Variants in TEKT3 observed in about 807,000 individuals in gnomAD.
The protein encoded by TEKT3 is tektin-3.
In TEKT3, 49 loss-of-function variants were observed where a neutral mutation model predicts 49.8. The observed-to-expected ratio is 0.98, with a 90% CI of 0.78 to 1.25. The LOEUF is 1.25. Ranked by LOEUF, TEKT3 falls within the 50% of genes most tolerant of loss-of-function variation. TEKT3 has a pLI of 0.00. For synonymous variants in TEKT3, 225 were observed against 237.2 expected (o/e 0.95, Z 0.47); for missense variants, 595 against 629.5 (o/e 0.95, Z 0.59).
In TEKT3 at chr17:15,312,386, A is replaced by G. The variant is rs1416634331; in HGVS notation, c.974T>C (p.Ile325Thr). Residue 325 changes from isoleucine (I) to threonine (T), a missense_variant, in exon 7 of 9, where the codon ATT becomes ACT. Physicochemically the swap from Ile to Thr is moderately conservative, Grantham distance 89. Coordinates refer to ENST00000395930, the MANE Select transcript of TEKT3 (RefSeq NM_031898.3). ...GGCAGTCACAACCAAGAGGTTTTCAATGTCGTCTCTTAGCTTAGCGGAAGC... is the reference window on the plus strand; with the variant it reads ...GGCAGTCACAACCAAGAGGTTTTCAGTGTCGTCTCTTAGCTTAGCGGAAGC... Reference protein sequence around the residue: ...RAASAKLRDDIENLLVVTANE... With the variant: ...RAASAKLRDDTENLLVVTANE... The G allele has an allele frequency of 3.1e-6, 5 of 1,614,212 alleles. No homozygotes were observed. In the East Asian group the frequency reaches 6.7e-5, roughly 22 times the overall value.
chr17:15,324,285 T>C (rs1258135645), intron 4 of TEKT3, among the ~76,000 whole-genome samples: 1 of 152,246 alleles, frequency 6.6e-6, no homozygotes, highest in Non-Finnish European at 1.5e-5. Flanking sequence ...TCATTCCTTT[T>C]TTTTGGCAGA....
chr17:15,314,969 A>C (rs1910938246), intron 5 of TEKT3, among the ~76,000 whole-genome samples: 1 of 152,144 alleles, frequency 6.6e-6, no homozygotes, highest in African/African-American at 2.4e-5. Context: ...TTATTACCAA[A>C]GACAGACCCT....
At position 15,304,012 on chromosome 17, in the gene TEKT3, A is replaced by AGGGAATTG. The variant is rs1370520170; in HGVS notation, c.1389_1396dup (p.Leu466ProfsTer12). ...CATGCATTTTTCCTGGTCGATGTAC[A>AGGGAATTG]GGGAATTGGCTTTGACAGCCAGGTC... On this transcript the variant is annotated frameshift_variant, in exon 9 of 9. Transcript: ENST00000395930. LOFTEE classifies it high-confidence loss of function. The surrounding 1 kb of genome is among the most constrained non-coding windows in gnomAD (Gnocchi z 4.7). The AGGGAATTG allele has an allele frequency of 6.2e-7, 1 of 1,614,154 alleles. No individual in the cohort carries two copies. The highest frequency in any genetic ancestry group is 1.7e-5 in the Admixed American group (1 of 60,022).
At chr17:15,313,494 C>T (rs1329176966) in intron 6 of TEKT3, among the ~76,000 whole-genome samples, 10 of 151,938 alleles carry the variant, frequency 6.6e-5, no homozygotes, top group African/African-American at 2.4e-4. Context: ...CAACTTGTGG[C>T]TTGTCTGTGT....
chr17:15,304,869 A>C lies in TEKT3; in HGVS notation c.1257-717T>G, dbSNP rs1421226716. 6.6e-6 allele frequency among the ~76,000 whole-genome samples: 1 copy of C among 152,186 alleles called. No individual in the cohort carries two copies. Among genetic ancestry groups the C allele is most frequent in the East Asian group, 1.9e-4 (1 of 5,194 alleles). On this transcript the variant is annotated intron_variant, in intron 8 of 8. Transcript: ENST00000395930. The surrounding 1 kb of genome is among the most constrained non-coding windows in gnomAD (Gnocchi z 4.7). ...ATCCTCAAATCCTAGGTGAATTAACACTTCTTCCGGAAGTCCCTCCCTTAA... is the reference window on the plus strand; with the variant it reads ...ATCCTCAAATCCTAGGTGAATTAACCCTTCTTCCGGAAGTCCCTCCCTTAA...
At chr17:15,312,668 A>C (rs1910822912) in intron 6 of TEKT3, among the ~76,000 whole-genome samples, 187 bp from the exon 7 acceptor site, 1 of 152,220 alleles carries the variant, frequency 6.6e-6, no homozygotes, top group Admixed American at 6.5e-5. Flanking sequence ...TTTACTGCTA[A>C]TCAGTTTTCT....
intron 2 of TEKT3, among the ~76,000 whole-genome samples, chr17:15,334,722 T>A (rs1024639216): frequency 6.6e-6 from 1 of 152,196 alleles, no homozygotes; most frequent in Non-Finnish European, 1.5e-5. Flanking sequence ...CAGTTTCATA[T>A]GGAGAGAATA....
chr17:15,335,916 A>G (rs528257139), intron 2 of TEKT3, among the ~76,000 whole-genome samples: 1 of 152,274 alleles, frequency 6.6e-6, no homozygotes, highest in East Asian at 1.9e-4. Context: ...TTTTTTAACT[A>G]AAAAAGAAAA....
chr17:15,343,411 A>G (rs1386478665), upstream of TEKT3, among the ~76,000 whole-genome samples: 1 of 152,240 alleles, frequency 6.6e-6, no homozygotes. Flanking sequence ...GCCAGAATTG[A>G]GGTTAATGCT....
intron 3 of TEKT3, among the ~76,000 whole-genome samples, chr17:15,329,202 T>G (rs1413422130): frequency 6.6e-6 from 1 of 152,252 alleles, no homozygotes; most frequent in African/African-American, 2.4e-5. Context: ...ATTTAATTTG[T>G]ATTTTATCAT....
Position 15,308,748 on chromosome 17 carries a change from G to T in TEKT3, c.1172C>A (p.Ala391Asp), listed in dbSNP as rs771121953. 4 of 1,613,888 alleles carry T rather than the reference G, an allele frequency of 2.5e-6. No individual in the cohort carries two copies. The African/African-American group carries it at 5.3e-5, about 22-fold the overall frequency. Residue 391 changes from alanine to aspartate, a missense_variant, in exon 8 of 9, where the codon GCC (alanine) becomes GAC (aspartate). Physicochemically the swap from Ala to Asp is moderately radical, Grantham distance 126 (BLOSUM62 -2). Coordinates refer to ENST00000395930, the MANE Select transcript of TEKT3 (RefSeq NM_031898.3). ...SIKKAIKDKT[A>D]FLKVAQTRLD... ...TCTGGTCTGAGCCACCTTCAGGAAG[G>T]CAGTCTTGTCCTTGATGGCCTTCTT...
chr17:15,307,593 C>T (rs772422145), intron 8 of TEKT3, among the ~76,000 whole-genome samples: 1 of 152,198 alleles, frequency 6.6e-6, no homozygotes, highest in Non-Finnish European at 1.5e-5. Context: ...CTCACAAGAT[C>T]CCCCTTCCTT....
chr17:15,331,725 C>T, intron 2 of TEKT3, 111 bp from the exon 3 acceptor site: 2 of 743,910 alleles, frequency 2.7e-6, no homozygotes, highest in Non-Finnish European at 2.1e-6. Flanking sequence ...GCCCCGAACA[C>T]ATTAGATGCT....
Position 15,304,225 on chromosome 17 carries a change from C to A in TEKT3, c.1257-73G>T. ...CAACTCCAAGTACATCACATTGTAA[C>A]CAGCGATGCAAAGCTCACATTTTCT... On this transcript the variant is annotated intron_variant, in intron 8 of 8. Transcript: ENST00000395930. This position sits in a 1 kb window ranked among gnomAD's most constrained non-coding sequence, Gnocchi z 4.7. 6.8e-7 allele frequency: 1 copy of A among 1,469,374 alleles called. No individual in the cohort carries two copies. The highest frequency in any genetic ancestry group is 9.5e-7 in the Non-Finnish European group (1 of 1,056,116). The allele number at this position is 1,469,374 out of a possible 1,614,324, so 91.0% of individuals were successfully genotyped here.
chr17:15,339,044 T>A (rs547737191), intron 2 of TEKT3, among the ~76,000 whole-genome samples: 8 of 152,280 alleles, frequency 5.3e-5, no homozygotes, highest in Non-Finnish European at 4.4e-5. Context: ...TTGTGCAGTA[T>A]TAAGAGGTGA....
intron 5 of TEKT3, among the ~76,000 whole-genome samples, chr17:15,315,321 TGGACATG>T (rs986734836): frequency 6.6e-6 from 1 of 152,164 alleles, no homozygotes; most frequent in African/African-American, 2.4e-5. Flanking sequence ...AGGGCCCTAA[TGGACATG>T]GGAATGAATC....
intron 2 of TEKT3, among the ~76,000 whole-genome samples, chr17:15,335,761 A>G (rs914647610): frequency 6.6e-6 from 1 of 152,232 alleles, no homozygotes; most frequent in Admixed American, 6.5e-5. Context: ...ACATACAAGT[A>G]TTTGATACAA....
intron 5 of TEKT3, among the ~76,000 whole-genome samples, chr17:15,316,112 A>C (rs1334644801): frequency 6.6e-6 from 1 of 152,182 alleles, no homozygotes; most frequent in African/African-American, 2.4e-5. Context: ...AAAAGGAAAA[A>C]GCTCCCTTCC....
Position 15,340,039 on chromosome 17 carries a change from C to A in TEKT3, c.-41G>T, listed in dbSNP as rs553969335. ...AAATGGCAAATTACCTGTGACTCAG[C>A]AATTCAATTTCTTGGTATGTACCTA... On this transcript the variant is annotated 5_prime_UTR_variant, in exon 2 of 9. Coordinates refer to ENST00000395930, the MANE Select transcript of TEKT3 (RefSeq NM_031898.3). The A allele has an allele frequency of 6.6e-6, 1 of 152,252 alleles. No homozygotes were observed. The highest frequency in any genetic ancestry group is 2.1e-4 in the South Asian group (1 of 4,826). 9.4% of individuals were successfully genotyped at this position (152,252 alleles called of 1,614,324 possible).
Sources: allele counts gnomAD v4.1 joint callset (sites outside exome capture counted in the v4.1 genomes callset), GRCh38; gene constraint gnomAD v4.1.1; non-coding constraint Gnocchi (gnomAD v3.1); transcripts MANE v1.5; gene names NCBI Gene and HGNC (gene_info 2026-07-23, HGNC 2026-07-21).